The following AGRN variants were observed in gnomAD, a reference collection of about 807,000 sequenced individuals.
The protein encoded by AGRN is agrin proteoglycan.
Under a neutral mutation model 211.0 loss-of-function variants are expected in AGRN, and 106 were observed. The ratio of observed to expected loss-of-function variants is 0.50; its 90% CI spans 0.43 to 0.59. The LOEUF is 0.59. AGRN is among the 20% of genes least tolerant of loss of function. The probability of loss-of-function intolerance (pLI) is 0.00; values close to 1 mark genes in which losing one functional copy is unlikely to be tolerated. For synonymous variants in AGRN, 1,525 were observed against 1,332.5 expected (o/e 1.14, Z -3.15); for missense variants, 3,040 against 2,982.6 (o/e 1.02, Z -0.45).
intron 2 of AGRN, among the ~76,000 whole-genome samples, chr1:1,028,539 A>AATTGCCAGAG (rs1557687039): frequency 4.5e-4 from 55 of 121,366 alleles, no homozygotes; most frequent in East Asian, 6.8e-4. Flanking sequence ...CTCATGGGCC[A>AATTGCCAGAG]AGGGCACCCA....
Position 1,055,009 on chromosome 1 carries a change from T to C in AGRN, c.*28T>C, listed in dbSNP as rs1645416922. 6.5e-7 allele frequency: 1 copy of C among 1,545,280 alleles called. No homozygotes were observed. Among genetic ancestry groups the C allele is most frequent in the Non-Finnish European group, 8.7e-7 (1 of 1,146,590 alleles). ...TGGCACCAGAGCCCCGCGCCCGCTG[T>C]AATTATTTTCTATTTTTGTAAACTT... On this transcript the variant is annotated 3_prime_UTR_variant, in exon 36 of 36. Coordinates refer to ENST00000379370, the MANE Select transcript of AGRN (RefSeq NM_198576.4).
chr1:1,050,122 A>T, intron 27 of AGRN, 85 bp downstream of exon 27: 1 of 1,582,930 alleles, frequency 6.3e-7, no homozygotes, highest in Non-Finnish European at 8.6e-7. Flanking sequence ...CATTGCAGTT[A>T]GGATGCGGCT....
intron 33 of AGRN, chr1:1,053,533 C>G: frequency 6.5e-7 from 1 of 1,529,500 alleles, no homozygotes; most frequent in Non-Finnish European, 8.8e-7. Context: ...CCCTGGCTGG[C>G]CCATCTGTCC....
In AGRN at chr1:1,047,454, C is replaced by T. The variant is rs543142635; in HGVS notation, c.3516C>T (p.Thr1172=). 132 of 1,612,772 alleles carry T rather than the reference C, an allele frequency of 8.2e-5. No homozygotes were observed. Among genetic ancestry groups the T allele is most frequent in the Admixed American group, 2.0e-4 (12 of 59,970 alleles). Residue 1172 remains threonine (T), a splice_region_variant and synonymous_variant, in exon 20 of 36, where the codon ACC becomes ACT. Coordinates refer to ENST00000379370, the MANE Select transcript of AGRN (RefSeq NM_198576.4). ...AGACAGCCAGGAGCATTGAGAGCAC[C>T]GTAAGACGGGGGCGCAGCCCCCACC... ...FGETARSIES[T]LDDLFRNSDV... is the part of the protein sequence containing the mutation.
At chr1:1,038,975 G>C (rs2488997) in intron 3 of AGRN, among the ~76,000 whole-genome samples, 1 of 152,018 alleles carries the variant, frequency 6.6e-6, no homozygotes, top group Non-Finnish European at 1.5e-5. Context: ...TATACTTACA[G>C]TGGCAGCAGA....
chr1:1,047,729 G>C (rs764335508), intron 21 of AGRN, 42 bp downstream of exon 21: 9 of 1,612,322 alleles, frequency 5.6e-6, no homozygotes, highest in African/African-American at 2.7e-5. Context: ...GGCAATGGGT[G>C]GGGGATGCCT....
intron 26 of AGRN, 53 bp downstream of exon 26, chr1:1,049,848 T>C (rs371509992): frequency 6.2e-7 from 1 of 1,610,270 alleles, no homozygotes; most frequent in Non-Finnish European, 8.5e-7. Context: ...CTGTGGGCGG[T>C]ACCCAACCGA....
At chr1:1,050,193 C>T (rs1256533606) in intron 27 of AGRN, 40 bp from the exon 28 acceptor site, 8 of 1,610,350 alleles carry the variant, frequency 5.0e-6, no homozygotes, top group African/African-American at 2.7e-5. Context: ...GCAGGAGGCC[C>T]CGGGGGTCAG....
In AGRN at chr1:1,043,303, C is replaced by T. The variant is rs759844691; in HGVS notation, c.1449C>T (p.Asn483=). The change falls in exon 8 of 36, where the codon AAC becomes AAT. Residue 483 remains asparagine (N), a synonymous_variant. Transcript: ENST00000379370. ...TTGGGGCGACGTGTGCTGTGAAGAA[C>T]GGGCAGGCAGCGTGTGAATGCCTGC... The part of the protein sequence containing the change: ...CAFGATCAVK[N]GQAACECLQA... 38 of 1,611,478 alleles carry T rather than the reference C, an allele frequency of 2.4e-5. No homozygotes were observed. Among genetic ancestry groups the T allele is most frequent in the African/African-American group, 1.7e-4 (13 of 74,916 alleles).
At chr1:1,041,879 C>T (rs1286611405) in intron 6 of AGRN, 77 bp from the exon 7 acceptor site, 2 of 1,591,262 alleles carry the variant, frequency 1.3e-6, no homozygotes, top group African/African-American at 1.3e-5. Flanking sequence ...CGCCTGCTCC[C>T]CTGCTCCCTG....
At position 1,049,916 on chromosome 1, in the gene AGRN, C is replaced by G. The variant is rs138071518; in HGVS notation, c.4758C>G (p.Ala1586=). Residue 1586 remains alanine, a synonymous_variant, in exon 27 of 36, where the codon GCC becomes GCG. Transcript: ENST00000379370. ...CPPGRVGPTC[A]DEKSPCQPNP... Reference sequence around the variant, plus strand: ...TCCTCCATCCAGGACCAACCTGTGCCGATGAGAAGAGCCCCTGCCAGCCCA... The same window carrying G: ...TCCTCCATCCAGGACCAACCTGTGCGGATGAGAAGAGCCCCTGCCAGCCCA... 17 of 1,610,012 alleles carry G rather than the reference C, an allele frequency of 1.1e-5. No individual in the cohort carries two copies. In the East Asian group the frequency reaches 1.1e-4, roughly 11 times the overall value.
intron 2 of AGRN, among the ~76,000 whole-genome samples, chr1:1,026,955 G>A (rs1388672681): frequency 1.3e-5 from 2 of 152,224 alleles, no homozygotes; most frequent in Non-Finnish European, 2.9e-5. Flanking sequence ...TGGCAAGATT[G>A]TGGCTGGGAT....
At chr1:1,027,985 G>C (rs1407925437) in intron 2 of AGRN, among the ~76,000 whole-genome samples, 1 of 152,302 alleles carries the variant, frequency 6.6e-6, no homozygotes, top group African/African-American at 2.4e-5. Context: ...GCAGCTGGTG[G>C]GGAGGGGCTG....
chr1:1,039,813 T>C (rs1215279263), intron 3 of AGRN, among the ~76,000 whole-genome samples: 1 of 143,904 alleles, frequency 6.9e-6, no homozygotes, highest in Admixed American at 6.9e-5. Context: ...GGCCGGGGGA[T>C]GCCCAGGGAG....
chr1:1,046,824 C>T lies in AGRN; in HGVS notation c.3255C>T (p.Leu1085=), dbSNP rs775823409. 5.1e-6 allele frequency: 8 copies of T among 1,581,996 alleles called. No individual in the cohort carries two copies. The East Asian group carries it at 9.1e-5, about 18-fold the overall frequency. ...GCTCAGAGCGCGTCTCCCCAGGGCT[C>T]GAGCCCTTGGAGGGCAGCAGCGTGG... ...QEASGGGSGG[L]EPLEGSSVAT... is the part of the protein sequence containing the mutation. Residue 1085 remains leucine (L), a synonymous_variant, in exon 19 of 36, where the codon CTC becomes CTT. Coordinates refer to ENST00000379370, the MANE Select transcript of AGRN (RefSeq NM_198576.4).
chr1:1,051,875 G>A, intron 33 of AGRN, 60 bp downstream of exon 33: 6 of 1,600,700 alleles, frequency 3.7e-6, no homozygotes, highest in Non-Finnish European at 5.1e-6. Flanking sequence ...CGGGACACCG[G>A]ACCCCCACAC....
Position 1,031,112 on chromosome 1 carries a change from G to A in AGRN, c.464-4165G>A, listed in dbSNP as rs564421463. Among the ~76,000 whole-genome samples, 3 of 141,234 alleles carry A rather than the reference G, an allele frequency of 2.1e-5. No homozygotes were observed. The highest frequency in any genetic ancestry group is 4.6e-5 in the Non-Finnish European group (3 of 65,782). 92.7% of individuals were successfully genotyped at this position (141,234 alleles called of 152,430 possible). ...TTGTGTGTGTGTGTGTGCGGTGCATGGTGCTGTGTGAGATGTGTGTGTGTG... is the reference window on the plus strand; with the variant it reads ...TTGTGTGTGTGTGTGTGCGGTGCATAGTGCTGTGTGAGATGTGTGTGTGTG... On this transcript the variant is annotated intron_variant, in intron 2 of 35. Transcript: ENST00000379370. The surrounding 1 kb of genome is among the most constrained non-coding windows in gnomAD (Gnocchi z 4.8).
Position 1,046,518 on chromosome 1 carries a change from C to G in AGRN, c.3033C>G (p.Thr1011=), listed in dbSNP as rs377422616. 6.8e-6 allele frequency: 11 copies of G among 1,610,410 alleles called. No individual in the cohort carries two copies. The highest frequency in any genetic ancestry group is 9.3e-6 in the Non-Finnish European group (11 of 1,178,558). ...CCCTCCCCCTGGCTCCCAGCAGTACCGCACACAGCCAGACCACCCCTCCGC... is the reference window on the plus strand; with the variant it reads ...CCCTCCCCCTGGCTCCCAGCAGTACGGCACACAGCCAGACCACCCCTCCGC... ...PGALPLAPSS[T]AHSQTTPPPS... Residue 1011 remains threonine, a synonymous_variant, in exon 18 of 36, where the codon ACC becomes ACG. Transcript: ENST00000379370.
chr1:1,052,130 GGGGGTCC>G, intron 33 of AGRN: 1 of 1,274,236 alleles, frequency 7.8e-7, no homozygotes, highest in Non-Finnish European at 1.1e-6. Context: ...GGCGGAGGAT[GGGGGTCC>G]GGCGCTATTT....
Sources: gnomAD v4.1 joint callset for allele counts (sites outside exome capture counted in the v4.1 genomes callset) on GRCh38, gnomAD v4.1.1 for gene constraint, Gnocchi (gnomAD v3.1) non-coding constraint, MANE v1.5 for transcripts, NCBI Gene and HGNC (gene_info 2026-07-23, HGNC 2026-07-21) for gene names.